The following SNX29 variants were observed in gnomAD, a reference collection of about 807,000 sequenced individuals.
The protein encoded by SNX29 is sorting nexin 29, also known as sorting nexin-29.
Under a neutral mutation model 102.1 loss-of-function variants are expected in SNX29, and 78 were observed. The ratio of observed to expected loss-of-function variants is 0.76; its 90% confidence interval spans 0.64 to 0.92. The LOEUF is 0.92. SNX29 is among the 40% of genes least tolerant of loss of function. The pLI is 0.00. For missense variants in SNX29, 1,280 were observed against 1,061.7 expected (o/e 1.21, Z -2.86); for synonymous variants, 580 against 414.5 (o/e 1.40, Z -4.85).
Position 12,573,763 on chromosome 16 carries a change from A to G in SNX29, c.*5134A>G. The G allele has an allele frequency of 4.5e-6, 1 of 222,738 alleles. No homozygotes were observed. The highest frequency in any genetic ancestry group is 6.5e-5 in the East Asian group (1 of 15,294). 13.8% of individuals were successfully genotyped at this position (222,738 alleles called of 1,614,324 possible). ...TTGCACCCAGAGCTACTAAACGCTC[A>G]GTGACCCCAGAGACCATTAATTTCC... On this transcript the variant is annotated 3_prime_UTR_variant, in exon 21 of 21. Transcript: ENST00000566228.
chr16:12,259,320 G>C (rs1335352907), intron 14 of SNX29, among the ~76,000 whole-genome samples: 1 of 152,168 alleles, frequency 6.6e-6, no homozygotes, highest in East Asian at 1.9e-4. Context: ...CTGGCTGCTC[G>C]TTCTACCCCG....
chr16:12,547,948 C>G (rs1455145743), intron 20 of SNX29, among the ~76,000 whole-genome samples: 4 of 152,162 alleles, frequency 2.6e-5, no homozygotes, highest in Admixed American at 1.3e-4. Flanking sequence ...AGTCTGCCCT[C>G]AAGGTGCTCA....
chr16:12,565,245 A>C (rs751769335), intron 20 of SNX29, among the ~76,000 whole-genome samples: 21 of 152,286 alleles, frequency 1.4e-4, no homozygotes, highest in Non-Finnish European at 2.9e-4. Flanking sequence ...CTCAATCTAT[A>C]AAGATGGCAG....
chr16:11,977,407 C>G (rs2055326485), intron 1 of SNX29: 1 of 153,202 alleles, frequency 6.5e-6, no homozygotes, highest in African/African-American at 2.4e-5. Context: ...CTTTGCTCTT[C>G]CCATCACCAG....
intron 20 of SNX29, among the ~76,000 whole-genome samples, chr16:12,555,983 C>G (rs113797007): frequency 0.017 from 2,505 of 146,190 alleles, 34 homozygotes; most frequent in Non-Finnish European, 0.024. Context: ...TTTCAATTTT[C>G]AAGTGTTTTT....
At chr16:12,063,187 G>A (rs1050286892) in intron 9 of SNX29, among the ~76,000 whole-genome samples, 3 of 152,000 alleles carry the variant, frequency 2.0e-5, no homozygotes, top group African/African-American at 7.2e-5. Context: ...TGGGGAAGGT[G>A]CCAGGCACAT....
chr16:12,076,055 C>T (rs1042049362), intron 10 of SNX29, among the ~76,000 whole-genome samples: 1 of 152,176 alleles, frequency 6.6e-6, no homozygotes, highest in Non-Finnish European at 1.5e-5. Flanking sequence ...CCCGATATTC[C>T]AGGTGCCGTC....
At chr16:12,143,587 TAGAG>T (rs2054944127) in intron 13 of SNX29, among the ~76,000 whole-genome samples, 1 of 152,038 alleles carries the variant, frequency 6.6e-6, no homozygotes, top group African/African-American at 2.4e-5. Flanking sequence ...GACCCTCCCT[TAGAG>T]AGAGGATGAA....
chr16:12,399,573 A>G (rs1171082007), intron 17 of SNX29, among the ~76,000 whole-genome samples: 2 of 152,222 alleles, frequency 1.3e-5, no homozygotes, highest in Non-Finnish European at 2.9e-5. Flanking sequence ...AATCTCAGGC[A>G]TCAGTCCAGC....
chr16:12,421,819 C>T (rs2084881672), intron 18 of SNX29, among the ~76,000 whole-genome samples: 2 of 152,082 alleles, frequency 1.3e-5, no homozygotes, highest in South Asian at 4.2e-4. Flanking sequence ...AACCATCCAT[C>T]ACCATCACTA....
intron 20 of SNX29, among the ~76,000 whole-genome samples, chr16:12,544,228 A>G (rs147719553): frequency 6.6e-6 from 1 of 152,174 alleles, no homozygotes; most frequent in Admixed American, 6.5e-5. Context: ...GTTCCTCACC[A>G]CACCAAGATT....
At chr16:12,556,454 T>G (rs1438178062) in intron 20 of SNX29, 2 of 152,218 alleles carry the variant, frequency 1.3e-5, no homozygotes, top group Non-Finnish European at 2.9e-5. Context: ...CAAGGAACTC[T>G]TAGGCGAAGG....
At chr16:12,150,485 C>T (rs2055251550) in intron 13 of SNX29, among the ~76,000 whole-genome samples, 1 of 152,238 alleles carries the variant, frequency 6.6e-6, no homozygotes, top group Non-Finnish European at 1.5e-5. Flanking sequence ...TTCACCAGCA[C>T]TGGCGTCTTC....
intron 14 of SNX29, among the ~76,000 whole-genome samples, chr16:12,259,952 A>G (rs1430063894): frequency 1.3e-5 from 2 of 151,420 alleles, no homozygotes; most frequent in Non-Finnish European, 2.9e-5. Context: ...CCTCTGCCCC[A>G]TGAATGCAGC....
intron 14 of SNX29, among the ~76,000 whole-genome samples, chr16:12,260,517 T>G (rs575358600): frequency 9.9e-5 from 15 of 152,228 alleles, no homozygotes; most frequent in Non-Finnish European, 1.2e-4. Context: ...CCCAGCCCCT[T>G]GCAGATGATT....
At chr16:12,437,193 T>A (rs2085577121) in intron 18 of SNX29, among the ~76,000 whole-genome samples, 1 of 152,218 alleles carries the variant, frequency 6.6e-6, no homozygotes, top group African/African-American at 2.4e-5. Flanking sequence ...ATGTGGTATG[T>A]TTCTTTCTCT....
At chr16:12,521,885 G>A (rs530919956) in intron 19 of SNX29, among the ~76,000 whole-genome samples, 5 of 152,320 alleles carry the variant, frequency 3.3e-5, no homozygotes, top group African/African-American at 9.6e-5. Context: ...CACATAGCCC[G>A]CCTCCTGCCA....
chr16:12,051,470 G>C (rs1277754777), intron 7 of SNX29, among the ~76,000 whole-genome samples: 1 of 152,186 alleles, frequency 6.6e-6, no homozygotes, highest in African/African-American at 2.4e-5. Flanking sequence ...GTTTGAGGCT[G>C]CTCAACCCTT....
intron 16 of SNX29, among the ~76,000 whole-genome samples, chr16:12,371,226 C>G (rs537464117): frequency 5.9e-4 from 89 of 150,812 alleles, no homozygotes; most frequent in African/African-American, 1.7e-3. Context: ...TCCTTTGGAC[C>G]AACCTTCCTT....
Sources: allele counts gnomAD v4.1 joint callset (sites outside exome capture counted in the v4.1 genomes callset), GRCh38; gene constraint gnomAD v4.1.1; transcripts MANE v1.5; gene names NCBI Gene and HGNC (gene_info 2026-07-23, HGNC 2026-07-21).